APEH: variants seen among roughly 807,000 people sequenced by gnomAD.
The protein encoded by APEH is acylaminoacyl-peptide hydrolase.
Under a neutral mutation model 102.7 loss-of-function variants are expected in APEH, and 75 were observed. The observed-to-expected ratio is 0.73, with a 90% CI of 0.61 to 0.89. The LOEUF is 0.89. Ranked by LOEUF, APEH falls within the 40% of genes least tolerant of loss-of-function variation. APEH has a pLI of 0.00. For missense variants in APEH, 863 were observed against 941.2 expected, an observed-to-expected ratio of 0.92 and a Z score of 1.09; for synonymous variants, 344 against 362.7, an observed-to-expected ratio of 0.95 and a Z score of 0.59.
rs182355268 is a variant in APEH, at chr3:49,677,692, C to T, written c.1060+59C>T. The T allele has an allele frequency of 2.5e-3, 3,690 of 1,473,162 alleles. 10 individuals carry two copies. Among genetic ancestry groups the T allele is most frequent in the Non-Finnish European group, 3.1e-3 (3,303 of 1,053,256 alleles). The allele number at this position is 1,473,162 out of a possible 1,614,324, so 91.3% of individuals were successfully genotyped here. ...GCCTGTAGCTCTGCTTTCCTGCCGT[C>T]TGTTGCATCCCTGCCCCGTTCTTCT... On this transcript the variant is annotated intron_variant, in intron 11 of 21. Transcript: ENST00000296456.
Position 49,677,620 on chromosome 3 carries a change from T to G in APEH, c.1047T>G (p.Pro349=). 1 of 1,613,792 alleles carries G rather than the reference T, an allele frequency of 6.2e-7. No homozygotes were observed. Residue 349 remains proline, a synonymous_variant, in exon 11 of 22, where the codon CCT becomes CCG. Transcript: ENST00000296456. ...CCTCAGTGGTGGTAGATGTTGTGCC[T>G]CGGCAGCTGGGAGGTAAGGCATACC... ...KVTSVVVDVV[P]RQLGENFSGI...
chr3:49,677,779 C>T (rs2053135112), intron 11 of APEH, 146 bp downstream of exon 11: 3 of 799,992 alleles, frequency 3.8e-6, no homozygotes, highest in South Asian at 2.9e-5. Flanking sequence ...CCAGCATCCT[C>T]AGGGAGCGGG....
rs2053077795 is a variant in APEH at position 49,676,775 on chromosome 3, A to G, written c.837-2A>G. The G allele has an allele frequency of 6.2e-7, 1 of 1,614,266 alleles. No homozygotes were observed. Among genetic ancestry groups the G allele is most frequent in the Non-Finnish European group, 8.5e-7 (1 of 1,180,044 alleles). ...GACTGAGTGTCTGTCTCGTGGTTCC[A>G]GGTCAGCCCTGTATTATGTGGACCT... is the stretch of plus-strand genomic sequence containing the variant. On this transcript the variant is annotated splice_acceptor_variant, in intron 8 of 21. Coordinates refer to ENST00000296456, the MANE Select transcript of APEH (RefSeq NM_001640.4). LOFTEE classifies it high-confidence loss of function.
rs2053225683 is a variant in APEH, at chr3:49,679,519, G to A, written c.1159-74G>A. On this transcript the variant is annotated intron_variant, in intron 12 of 21. Coordinates refer to ENST00000296456, the MANE Select transcript of APEH (RefSeq NM_001640.4). The surrounding 1 kb of genome is among the most constrained non-coding windows in gnomAD (Gnocchi z 4.3). ...GGGCTCTCCAAGAGGGTAGAGAGGA[G>A]GTAGGGGAGGGACCCATAGGTAGAG... is the stretch of plus-strand genomic sequence containing the variant. 6.7e-7 allele frequency: 1 copy of A among 1,502,306 alleles called. No individual in the cohort carries two copies. Among genetic ancestry groups the A allele is most frequent in the South Asian group, 1.1e-5 (1 of 88,252 alleles). 93.1% of individuals were successfully genotyped at this position (1,502,306 alleles called of 1,614,324 possible). A position where few individuals can be genotyped will look rare whatever the true frequency, so the allele number is the denominator to read the frequency against.
Position 49,679,698 on chromosome 3 carries a change from C to G in APEH, c.1210+54C>G. The G allele has an allele frequency of 6.4e-7, 1 of 1,565,648 alleles. No homozygotes were observed. Among genetic ancestry groups the G allele is most frequent in the South Asian group, 1.1e-5 (1 of 90,020 alleles). Reference sequence around the variant, plus strand: ...GGGCAGGGCTGGTGAGCAAGCCAACCAGGCAGCGGGGGACTGGAGCTCCAA... The same window carrying G: ...GGGCAGGGCTGGTGAGCAAGCCAACGAGGCAGCGGGGGACTGGAGCTCCAA... On this transcript the variant is annotated intron_variant, in intron 13 of 21. Transcript: ENST00000296456. This position sits in a 1 kb window ranked among gnomAD's most constrained non-coding sequence, Gnocchi z 4.3.
upstream of APEH, chr3:49,674,179 T>G: frequency 3.4e-6 from 2 of 592,168 alleles, no homozygotes; most frequent in Non-Finnish European, 5.7e-6. Context: ...GCGAGACCCC[T>G]GCTCTCACCC....
chr3:49,683,478 GTAGTCA>G lies in APEH; in HGVS notation c.*139_*144del. On this transcript the variant is annotated 3_prime_UTR_variant, in exon 22 of 22. Transcript: ENST00000296456. ...GCGTGGGCAGAGGAATGTGGGCTAT[GTAGTCA>G]TAATAAATTAGGACACAGAGCCTGG... 1.4e-6 allele frequency: 1 copy of G among 731,978 alleles called. No individual in the cohort carries two copies. The highest frequency in any genetic ancestry group is 1.7e-5 in the South Asian group (1 of 59,332). 45.3% of individuals were successfully genotyped at this position (731,978 alleles called of 1,614,324 possible).
At chr3:49,682,241 CTG>C in intron 17 of APEH, 105 bp from the exon 18 acceptor site, 1 of 1,185,562 alleles carries the variant, frequency 8.4e-7, no homozygotes, top group Non-Finnish European at 1.2e-6. Flanking sequence ...CCTTGACAGT[CTG>C]TGGTATAGCT....
chr3:49,678,776 G>A, intron 11 of APEH, 76 bp from the exon 12 acceptor site: 1 of 1,281,336 alleles, frequency 7.8e-7, no homozygotes, highest in Non-Finnish European at 1.1e-6. Flanking sequence ...GAATTCCCCA[G>A]TACCCTAGCC....
At position 49,676,933 on chromosome 3, in the gene APEH, C is replaced by T; in HGVS notation, c.908C>T (p.Ser303Phe). 6.2e-7 allele frequency: 1 copy of T among 1,614,218 alleles called. No homozygotes were observed. Residue 303 changes from serine (S) to phenylalanine (F), a missense_variant, in exon 10 of 22, where the codon TCT (serine) becomes TTT (phenylalanine). By Grantham distance (155) the Ser-to-Phe change is radical. Transcript: ENST00000296456. ...CTCTCGGATGACTCCCTGGCTGTCTCTTCTCCCCGGCTGAGCCCAGACCAA... is the reference window on the plus strand; with the variant it reads ...CTCTCGGATGACTCCCTGGCTGTCTTTTCTCCCCGGCTGAGCCCAGACCAA... ...ELLSDDSLAV[S>F]SPRLSPDQCR... is the part of the protein sequence containing the mutation.
chr3:49,674,248 A>G, upstream of APEH: 1 of 995,264 alleles, frequency 1.0e-6, no homozygotes, highest in Non-Finnish European at 1.4e-6. Flanking sequence ...GCCCCCTGCC[A>G]ACGGTCCTCA....
At position 49,674,614 on chromosome 3, in the gene APEH, G is replaced by A; in HGVS notation, c.138G>A (p.Val46=). 1 of 1,585,198 alleles carries A rather than the reference G, an allele frequency of 6.3e-7. No individual in the cohort carries two copies. The highest frequency in any genetic ancestry group is 1.1e-5 in the South Asian group (1 of 88,592). The change falls in exon 2 of 22, where the codon GTG becomes GTA. Residue 46 remains valine (V), a synonymous_variant. Transcript: ENST00000296456. ...TTQYGGQYRT[V]HTEWTQRDLE... is the part of the protein sequence containing the mutation. The stretch of plus-strand genomic sequence containing the variant: ...AGTACGGCGGCCAATACCGGACGGT[G>A]CACACTGGTGTGTGTGCGAAGGGGA...
intron 3 of APEH, 38 bp from the exon 4 acceptor site, chr3:49,675,656 G>A: frequency 3.2e-6 from 5 of 1,569,294 alleles, no homozygotes; most frequent in Non-Finnish European, 3.5e-6. Context: ...AGGGGTTATT[G>A]CAAGATAATC....
rs753830962 is a variant in APEH at position 49,675,135 on chromosome 3, C to T, written c.146-48C>T. On this transcript the variant is annotated intron_variant, in intron 2 of 21. Transcript: ENST00000296456. ...GGTCAGGTGGGGCTGGGGGCAGTAG[C>T]CAGGAGTAGCCAAGACAAGGTGAGC... is the stretch of plus-strand genomic sequence containing the variant. The T allele has an allele frequency of 1.9e-6, 3 of 1,611,942 alleles. No individual in the cohort carries two copies. The Admixed American group carries it at 5.0e-5, about 27-fold the overall frequency.
intron 2 of APEH, among the ~76,000 whole-genome samples, 183 bp downstream of exon 2, chr3:49,674,804 G>A (rs1245396775): frequency 6.6e-6 from 1 of 152,162 alleles, no homozygotes; most frequent in Admixed American, 6.5e-5. Context: ...GGGGCGTGCG[G>A]GGCGTTATCG....
chr3:49,679,165 G>A lies in APEH; in HGVS notation c.1158+216G>A, dbSNP rs1339133432. Among the ~76,000 whole-genome samples, 2 of 152,192 alleles carry A rather than the reference G, an allele frequency of 1.3e-5. No individual in the cohort carries two copies. Among genetic ancestry groups the A allele is most frequent in the South Asian group, 2.1e-4 (1 of 4,836 alleles). Reference sequence around the variant, plus strand: ...CTCAGGCCTTTTCGTCTGAGGCAGAGATGCAACCCCTCCCAGGCATTTCTA... The same window carrying A: ...CTCAGGCCTTTTCGTCTGAGGCAGAAATGCAACCCCTCCCAGGCATTTCTA... On this transcript the variant is annotated intron_variant, in intron 12 of 21. Coordinates refer to ENST00000296456, the MANE Select transcript of APEH (RefSeq NM_001640.4). This position sits in a 1 kb window ranked among gnomAD's most constrained non-coding sequence, Gnocchi z 4.3.
At chr3:49,678,518 A>G (rs1050702356) in intron 11 of APEH, among the ~76,000 whole-genome samples, 1 of 152,146 alleles carries the variant, frequency 6.6e-6, no homozygotes, top group Non-Finnish European at 1.5e-5. Context: ...GACAGATGAT[A>G]TCTTGGTTAA....
Position 49,679,621 on chromosome 3 carries a change from G to C in APEH, c.1187G>C (p.Gly396Ala). Residue 396 changes from glycine (G) to alanine (A), a missense_variant, in exon 13 of 22, where the codon GGC becomes GCC. Coordinates refer to ENST00000296456, the MANE Select transcript of APEH (RefSeq NM_001640.4). The surrounding 1 kb of genome is among the most constrained non-coding windows in gnomAD (Gnocchi z 4.3). ...CTGTTTGCTGTGGACACCCAAGTGGGCACTGTGACCTCCCTCACAGCTGGT... is the reference window on the plus strand; with the variant it reads ...CTGTTTGCTGTGGACACCCAAGTGGCCACTGTGACCTCCCTCACAGCTGGT... The part of the protein sequence containing the change: ...QDLFAVDTQV[G>A]TVTSLTAGGS... 1 of 1,613,900 alleles carries C rather than the reference G, an allele frequency of 6.2e-7. No homozygotes were observed. Among genetic ancestry groups the C allele is most frequent in the Non-Finnish European group, 8.5e-7 (1 of 1,179,850 alleles).
At position 49,676,972 on chromosome 3, in the gene APEH, A is replaced by T; in HGVS notation, c.947A>T (p.Tyr316Phe). Residue 316 changes from tyrosine (Y) to phenylalanine (F), a missense_variant, in exon 10 of 22, where the codon TAC (tyrosine) becomes TTC (phenylalanine). Physicochemically the swap from Tyr to Phe is conservative, Grantham distance 22. Coordinates refer to ENST00000296456, the MANE Select transcript of APEH (RefSeq NM_001640.4). ...AGCCCAGACCAATGTCGCATTGTCT[A>T]CCTGCAGTACCCATCTCTGATCCCC... is the stretch of plus-strand genomic sequence containing the variant. ...RLSPDQCRIV[Y>F]LQYPSLIPHH... 1 of 1,614,096 alleles carries T rather than the reference A, an allele frequency of 6.2e-7. No individual in the cohort carries two copies. Among genetic ancestry groups the T allele is most frequent in the Non-Finnish European group, 8.5e-7 (1 of 1,180,018 alleles).
Sources: gnomAD v4.1 joint callset for allele counts (sites outside exome capture counted in the v4.1 genomes callset) on GRCh38, gnomAD v4.1.1 for gene constraint, Gnocchi (gnomAD v3.1) non-coding constraint, MANE v1.5 for transcripts, NCBI Gene and HGNC (gene_info 2026-07-23, HGNC 2026-07-21) for gene names.